Variants in NAALADL2 observed in about 807,000 individuals in gnomAD.
The protein encoded by NAALADL2 is N-acetylated alpha-linked acidic dipeptidase like 2, also known as inactive N-acetylated-alpha-linked acidic dipeptidase-like protein 2.
A neutral mutation model predicts 87.2 loss-of-function variants in NAALADL2; 76 were observed. The ratio of observed to expected loss-of-function variants is 0.87; its 90% CI spans 0.72 to 1.05. The LOEUF is 1.05. NAALADL2 is among the 50% of genes least tolerant of loss of function. The probability of loss-of-function intolerance (pLI) is 0.00; values close to 1 mark genes in which losing one functional copy is unlikely to be tolerated. For missense variants in NAALADL2, 1,089 were observed against 945.8 expected (o/e 1.15, Z -1.99); for synonymous variants, 354 against 331.0 (o/e 1.07, Z -0.75).
At chr3:175,570,505 C>G (rs1441021235) in intron 9 of NAALADL2, among the ~76,000 whole-genome samples, 2 of 152,100 alleles carry the variant, frequency 1.3e-5, no homozygotes, top group Non-Finnish European at 2.9e-5. Flanking sequence ...CTTTACTATA[C>G]TGTAAAAACC....
intron 2 of NAALADL2, among the ~76,000 whole-genome samples, chr3:174,732,327 A>T (rs1196857413): frequency 6.6e-6 from 1 of 152,170 alleles, no homozygotes; most frequent in Non-Finnish European, 1.5e-5. Context: ...CATGGAAAAT[A>T]AGTAGAAACT....
chr3:174,868,254 G>T (rs561488541), intron 1 of NAALADL2, among the ~76,000 whole-genome samples: 2 of 152,184 alleles, frequency 1.3e-5, no homozygotes, highest in East Asian at 1.9e-4. Flanking sequence ...TCATTTAATA[G>T]AATTTATTTT....
intron 2 of NAALADL2, among the ~76,000 whole-genome samples, chr3:174,735,939 G>A (rs974403888): frequency 2.0e-5 from 3 of 152,144 alleles, no homozygotes; most frequent in Non-Finnish European, 4.4e-5. Context: ...ACAGAGTGGT[G>A]AGGGGTGTGT....
At chr3:174,565,870 T>TA (rs2108522129) in intron 2 of NAALADL2, among the ~76,000 whole-genome samples, 1 of 152,136 alleles carries the variant, frequency 6.6e-6, no homozygotes, top group East Asian at 1.9e-4. Context: ...AACTAGAGTC[T>TA]AAAAAATATC....
intron 2 of NAALADL2, among the ~76,000 whole-genome samples, chr3:175,217,342 C>A (rs959050065): frequency 1.3e-5 from 2 of 152,118 alleles, no homozygotes; most frequent in Non-Finnish European, 2.9e-5. Context: ...CTTGCAGAAG[C>A]TTTGTGTTTC....
chr3:174,784,078 A>C (rs931156270), intron 3 of NAALADL2, among the ~76,000 whole-genome samples: 7 of 152,176 alleles, frequency 4.6e-5, no homozygotes, highest in African/African-American at 1.4e-4. Flanking sequence ...TATATATATA[A>C]ATATTTACAT....
chr3:174,771,417 T>C (rs891935995), intron 3 of NAALADL2, among the ~76,000 whole-genome samples: 8 of 152,140 alleles, frequency 5.3e-5, no homozygotes, highest in South Asian at 2.1e-4. Flanking sequence ...AGTGCAGTAC[T>C]AGGGACATGG....
intron 11 of NAALADL2, among the ~76,000 whole-genome samples, chr3:175,637,145 A>G (rs1026916831): frequency 3.3e-5 from 5 of 152,214 alleles, no homozygotes; most frequent in Non-Finnish European, 5.9e-5. Flanking sequence ...TTGTGACACT[A>G]TGCACTTTAA....
intron 5 of NAALADL2, among the ~76,000 whole-genome samples, chr3:175,340,049 T>C (rs979962068): frequency 1.3e-5 from 2 of 152,188 alleles, no homozygotes; most frequent in African/African-American, 2.4e-5. Context: ...ATATTCACTG[T>C]TACTACTAAC....
chr3:174,830,968 A>ACTTTG (rs1445822141), intron 3 of NAALADL2, among the ~76,000 whole-genome samples: 10 of 150,852 alleles, frequency 6.6e-5, no homozygotes, highest in African/African-American at 2.5e-4. Context: ...GTATCCTGAG[A>ACTTTG]CTTTGCTGAA....
chr3:174,649,032 C>T (rs1011978676), intron 2 of NAALADL2, among the ~76,000 whole-genome samples: 2 of 152,112 alleles, frequency 1.3e-5, no homozygotes, highest in Non-Finnish European at 2.9e-5. Context: ...GCTACCTTGG[C>T]TCACTGCAAC....
chr3:174,759,864 C>A (rs1322516736), intron 3 of NAALADL2, among the ~76,000 whole-genome samples: 1 of 152,094 alleles, frequency 6.6e-6, no homozygotes, highest in African/African-American at 2.4e-5. Flanking sequence ...CCACACCCAG[C>A]TAATTTTTGT....
intron 4 of NAALADL2, among the ~76,000 whole-genome samples, chr3:175,320,076 G>A (rs1759653066): frequency 1.3e-5 from 2 of 152,082 alleles, no homozygotes; most frequent in Non-Finnish European, 2.9e-5. Context: ...TGCCTATATT[G>A]AATATGACCT....
intron 5 of NAALADL2, among the ~76,000 whole-genome samples, chr3:175,340,646 G>A (rs1011173183): frequency 6.6e-6 from 1 of 152,264 alleles, no homozygotes; most frequent in East Asian, 1.9e-4. Context: ...AGTTATGAAA[G>A]CAAGCCCCTG....
chr3:174,460,891 C>T (rs1716174769), intron 1 of NAALADL2, among the ~76,000 whole-genome samples: 1 of 151,938 alleles, frequency 6.6e-6, no homozygotes, highest in African/African-American at 2.4e-5. Context: ...TTCCTCCTTC[C>T]ATCCCCCCAG....
chr3:174,785,338 A>G (rs1373686123), intron 3 of NAALADL2, among the ~76,000 whole-genome samples: 3 of 152,168 alleles, frequency 2.0e-5, no homozygotes, highest in African/African-American at 7.2e-5. Flanking sequence ...AGAGCATGGT[A>G]TTTTATTTTC....
chr3:175,238,368 A>C (rs1266022449), intron 3 of NAALADL2, among the ~76,000 whole-genome samples: 1 of 152,132 alleles, frequency 6.6e-6, no homozygotes, highest in Admixed American at 6.5e-5. Flanking sequence ...CCATGTTTGA[A>C]ATATTAGGGC....
chr3:174,629,546 A>G (rs1721908446), intron 2 of NAALADL2, among the ~76,000 whole-genome samples: 1 of 152,214 alleles, frequency 6.6e-6, no homozygotes, highest in Non-Finnish European at 1.5e-5. Context: ...ATACATTTGA[A>G]GTTGTAATTT....
At chr3:174,877,788 C>T (rs1035481566) in intron 1 of NAALADL2, among the ~76,000 whole-genome samples, 34 of 152,034 alleles carry the variant, frequency 2.2e-4, no homozygotes, top group African/African-American at 8.0e-4. Flanking sequence ...CTTTATTTAG[C>T]TGAAAGTACG....
Sources: gnomAD v4.1 joint callset for allele counts (sites outside exome capture counted in the v4.1 genomes callset) on GRCh38, gnomAD v4.1.1 for gene constraint, MANE v1.5 for transcripts, NCBI Gene and HGNC (gene_info 2026-07-23, HGNC 2026-07-21) for gene names.